ZNF521: variants seen among roughly 807,000 people sequenced by gnomAD.
ZNF521 encodes the protein LYST-interacting protein 3.
Under a neutral mutation model 105.5 loss-of-function variants are expected in ZNF521, and 14 were observed. That is an observed-to-expected ratio of 0.13 (90% CI 0.09 to 0.21). The LOEUF (loss-of-function observed/expected upper bound fraction) is 0.21. Ranked by LOEUF, ZNF521 falls within the 10% of genes least tolerant of loss-of-function variation. The pLI is 1.00. For synonymous variants in ZNF521, 635 were observed against 606.0 expected, an observed-to-expected ratio of 1.05 and a Z score of -0.70; for missense variants, 1,233 against 1,629.7, an observed-to-expected ratio of 0.76 and a Z score of 4.19.
chr18:25,340,349 C>T (rs554573096), intron 2 of ZNF521, among the ~76,000 whole-genome samples: 15 of 152,034 alleles, frequency 9.9e-5, no homozygotes, highest in African/African-American at 3.6e-4. Flanking sequence ...AGTGAGATTC[C>T]ATCTCGAAAA....
At chr18:25,208,209 A>G (rs2036116418) in intron 4 of ZNF521, among the ~76,000 whole-genome samples, 1 of 152,180 alleles carries the variant, frequency 6.6e-6, no homozygotes, top group African/African-American at 2.4e-5. Flanking sequence ...TTGAAGATAT[A>G]TTTGCTTTTT....
intron 5 of ZNF521, among the ~76,000 whole-genome samples, chr18:25,163,367 G>A (rs193050244): frequency 2.5e-4 from 38 of 152,168 alleles, no homozygotes; most frequent in African/African-American, 8.2e-4. Flanking sequence ...AACAAAGATG[G>A]CTCAAAGATT....
At position 25,135,279 on chromosome 18, in the gene ZNF521, C is replaced by CAT. The variant is rs1555637980; in HGVS notation, c.3659-43199_3659-43198insAT. 5.5e-5 allele frequency among the ~76,000 whole-genome samples: 8 copies of CAT among 146,216 alleles called. No individual in the cohort carries two copies. The South Asian group carries it at 1.8e-3, about 33-fold the overall frequency. On this transcript the variant is annotated intron_variant, in intron 5 of 7. Coordinates refer to ENST00000361524, the MANE Select transcript of ZNF521 (RefSeq NM_015461.3). ...ACACATACATACATGTATATGTATA[C>CAT]GTGTGTGTGTGTGTGTGTGTGTGTG... is the stretch of plus-strand genomic sequence containing the variant.
chr18:25,148,906 T>G (rs761339315), intron 5 of ZNF521, among the ~76,000 whole-genome samples: 3 of 152,234 alleles, frequency 2.0e-5, no homozygotes, highest in African/African-American at 4.8e-5. Context: ...GCAACCAATC[T>G]ATTATTTATA....
chr18:25,284,377 C>T (rs192249300), intron 3 of ZNF521, among the ~76,000 whole-genome samples: 22 of 152,044 alleles, frequency 1.4e-4, no homozygotes, highest in East Asian at 1.9e-4. Flanking sequence ...AATGCACAAC[C>T]GAGTCTGAAG....
chr18:25,306,150 C>A (rs1434031555), intron 3 of ZNF521, among the ~76,000 whole-genome samples: 1 of 152,164 alleles, frequency 6.6e-6, no homozygotes, highest in Non-Finnish European at 1.5e-5. Flanking sequence ...CTCATTTGAA[C>A]ATTTTGAAGT....
At chr18:25,085,653 A>ATG (rs10569576) in intron 7 of ZNF521, among the ~76,000 whole-genome samples, 2,046 of 144,310 alleles carry the variant, frequency 0.014, 22 homozygotes, top group African/African-American at 0.035. Context: ...CCATATATAT[A>ATG]TGTGTGTGTG....
At chr18:25,141,608 A>C (rs1238752981) in intron 5 of ZNF521, among the ~76,000 whole-genome samples, 1 of 152,124 alleles carries the variant, frequency 6.6e-6, no homozygotes, top group Non-Finnish European at 1.5e-5. Context: ...TTACTTCAGG[A>C]TTTACACTCT....
chr18:25,247,377 G>A (rs1221612655), intron 3 of ZNF521, among the ~76,000 whole-genome samples: 1 of 152,114 alleles, frequency 6.6e-6, no homozygotes, highest in Non-Finnish European at 1.5e-5. Context: ...TTCCAGGCAG[G>A]AAAACAATAG....
rs1441553379 is a variant in ZNF521, at chr18:25,322,453, C to T, written c.41-266G>A. 2.1e-5 allele frequency: 9 copies of T among 438,462 alleles called. No homozygotes were observed. The East Asian group carries it at 4.2e-4, about 20-fold the overall frequency. 27.2% of individuals were successfully genotyped at this position (438,462 alleles called of 1,614,324 possible). Reference sequence around the variant, plus strand: ...TCAAATCACTCACCCACTCTTAAGACTGACTTTACCATTTTTTTCATAGCC... The same window carrying T: ...TCAAATCACTCACCCACTCTTAAGATTGACTTTACCATTTTTTTCATAGCC... On this transcript the variant is annotated intron_variant, in intron 2 of 7. Coordinates refer to ENST00000361524, the MANE Select transcript of ZNF521 (RefSeq NM_015461.3).
Position 25,066,624 on chromosome 18 carries a change from G to A in ZNF521, c.3907-3883C>T, listed in dbSNP as rs57761642. On this transcript the variant is annotated intron_variant, in intron 7 of 7. Coordinates refer to ENST00000361524, the MANE Select transcript of ZNF521 (RefSeq NM_015461.3). ...CTTTAGAAAGGGAGACAAGAGGCAA[G>A]TGGGAAGGATAAAAAAGTAGACAGC... Among the ~76,000 whole-genome samples, 710 of 152,298 alleles carry A rather than the reference G, an allele frequency of 4.7e-3. 4 individuals are homozygous for A. Among genetic ancestry groups the A allele is most frequent in the African/African-American group, 0.016 (678 of 41,558 alleles).
intron 7 of ZNF521, among the ~76,000 whole-genome samples, chr18:25,066,693 G>T (rs1290707596): frequency 6.6e-6 from 1 of 152,184 alleles, no homozygotes; most frequent in Admixed American, 6.5e-5. Flanking sequence ...GGCCCAGTCT[G>T]CTCTCCCCCT....
chr18:25,194,675 T>C (rs2035873763), intron 5 of ZNF521, among the ~76,000 whole-genome samples: 1 of 151,744 alleles, frequency 6.6e-6, no homozygotes, highest in African/African-American at 2.4e-5. Flanking sequence ...TTCCAGGCTG[T>C]TGAAACCATA....
intron 3 of ZNF521, among the ~76,000 whole-genome samples, chr18:25,249,246 C>G (rs556233637): frequency 6.6e-6 from 1 of 151,924 alleles, no homozygotes; most frequent in East Asian, 1.9e-4. Flanking sequence ...AGCTCCGCCT[C>G]CTGGGTTCAT....
At chr18:25,107,638 T>G (rs945856112) in intron 5 of ZNF521, among the ~76,000 whole-genome samples, 8 of 152,138 alleles carry the variant, frequency 5.3e-5, no homozygotes, top group Non-Finnish European at 1.0e-4. Flanking sequence ...ACAACCTGAG[T>G]GTACATAGAG....
chr18:25,154,020 G>T (rs145718165), intron 5 of ZNF521, among the ~76,000 whole-genome samples: 21 of 152,274 alleles, frequency 1.4e-4, no homozygotes, highest in African/African-American at 5.1e-4. Context: ...AAGCAACGAG[G>T]AAGTGTCAAG....
At chr18:25,142,893 C>T (rs943786789) in intron 5 of ZNF521, among the ~76,000 whole-genome samples, 1 of 152,000 alleles carries the variant, frequency 6.6e-6, no homozygotes, top group South Asian at 2.1e-4. Context: ...TCCTTTGGTT[C>T]GGGTTTTAAA....
At chr18:25,303,273 T>TGTGTGTGTGTGC (rs1203106269) in intron 3 of ZNF521, among the ~76,000 whole-genome samples, 1 of 93,078 alleles carries the variant, frequency 1.1e-5, no homozygotes, top group African/African-American at 4.9e-5. Context: ...CTTTCTTTCG[T>TGTGTGTGTGTGC]GTGTGTGTGT....
At chr18:25,179,639 C>T (rs2035597046) in intron 5 of ZNF521, among the ~76,000 whole-genome samples, 1 of 152,316 alleles carries the variant, frequency 6.6e-6, no homozygotes, top group South Asian at 2.1e-4. Context: ...GCAGCAATTA[C>T]ATATAAAAGG....
Sources: allele counts gnomAD v4.1 joint callset (sites outside exome capture counted in the v4.1 genomes callset), GRCh38; gene constraint gnomAD v4.1.1; transcripts MANE v1.5; gene names NCBI Gene and HGNC (gene_info 2026-07-23, HGNC 2026-07-21).